TDRD9: variants seen among roughly 807,000 people sequenced by gnomAD.
TDRD9 encodes the protein tudor domain containing 9.
In TDRD9, 124 loss-of-function variants were observed where a neutral mutation model predicts 172.6. The observed-to-expected ratio is 0.72, with a 90% CI of 0.62 to 0.83. The LOEUF (loss-of-function observed/expected upper bound fraction) is 0.83, where lower values mean the gene tolerates loss of function less well. TDRD9 is among the 40% of genes least tolerant of loss of function. The pLI, the probability that TDRD9 is intolerant of heterozygous loss-of-function variation, is 0.00. For synonymous variants in TDRD9, 619 were observed against 617.1 expected (o/e 1.00, Z -0.05); for missense variants, 1,479 against 1,714.1 (o/e 0.86, Z 2.42).
At chr14:104,037,032 T>G (rs183174776) in intron 32 of TDRD9, among the ~76,000 whole-genome samples, 1 of 142,888 alleles carries the variant, frequency 7.0e-6, no homozygotes, top group African/African-American at 2.5e-5. Flanking sequence ...AAGGTTGGAG[T>G]TTTTTTTTTT....
rs759089554 is a variant in TDRD9, at chr14:103,955,645, C to A, written c.216-19C>A. The A allele has an allele frequency of 1.1e-4, 166 of 1,535,478 alleles. No homozygotes were observed. Among genetic ancestry groups the A allele is most frequent in the Admixed American group, 8.0e-5 (4 of 49,990 alleles). Reference sequence around the variant, plus strand: ...TGGCTTTTTGGAAATAGTATACTAACTTTTACTATTCTTTTCAGGTCACTC... The same window carrying A: ...TGGCTTTTTGGAAATAGTATACTAAATTTTACTATTCTTTTCAGGTCACTC... On this transcript the variant is annotated intron_variant, in intron 1 of 35. Transcript: ENST00000409874.
In TDRD9 at chr14:104,016,000, T is replaced by A; in HGVS notation, c.2243T>A (p.Phe748Tyr). The change falls in exon 22 of 36, where the codon TTC (phenylalanine) becomes TAC (tyrosine). Residue 748 changes from phenylalanine (F) to tyrosine (Y), a missense_variant. This residue lies in a region of TDRD9 where 1,413 missense variants were observed against 1,649.1 expected (regional missense o/e 0.86). Transcript: ENST00000409874. ...TTTCAGGTTGTATTGGCAGGTGCTT[T>A]CTATCCAAATTACTTTACTTTTGGA... The part of the protein sequence containing the change: ...FILQVVLAGA[F>Y]YPNYFTFGQP... 1.9e-6 allele frequency: 3 copies of A among 1,593,560 alleles called. No individual in the cohort carries two copies. Among genetic ancestry groups the A allele is most frequent in the Non-Finnish European group, 2.6e-6 (3 of 1,170,660 alleles).
intron 20 of TDRD9, among the ~76,000 whole-genome samples, chr14:104,012,180 T>C (rs796365441): frequency 3.9e-5 from 6 of 152,332 alleles, no homozygotes; most frequent in African/African-American, 1.4e-4. Context: ...GTTACCCTCA[T>C]GGCCCAAGGC....
chr14:103,936,657 T>C (rs571459009), intron 1 of TDRD9, among the ~76,000 whole-genome samples: 1 of 152,396 alleles, frequency 6.6e-6, no homozygotes, highest in South Asian at 2.1e-4. Flanking sequence ...GTCACCACTC[T>C]AGACCAAACC....
Position 104,024,690 on chromosome 14 carries a change from A to G in TDRD9, c.2718+10A>G. 6.6e-7 allele frequency: 1 copy of G among 1,508,044 alleles called. No individual in the cohort carries two copies. The highest frequency in any genetic ancestry group is 9.2e-7 in the Non-Finnish European group (1 of 1,090,326). 93.4% of individuals were successfully genotyped at this position (1,508,044 alleles called of 1,614,324 possible). On this transcript the variant is annotated intron_variant, in intron 25 of 35. Coordinates refer to ENST00000409874, the MANE Select transcript of TDRD9 (RefSeq NM_153046.3). ...TATTGATGTCACAGAGGTAAGGATG[A>G]AGTAATTGAGCTTTTCCTTCTTCTT...
chr14:103,938,692 C>G (rs780823960), intron 1 of TDRD9, among the ~76,000 whole-genome samples: 2 of 151,852 alleles, frequency 1.3e-5, no homozygotes, highest in Non-Finnish European at 2.9e-5. Flanking sequence ...CCGCCTCGGC[C>G]TCCCAAAGTG....
chr14:103,931,782 T>C (rs2030404725), intron 1 of TDRD9, among the ~76,000 whole-genome samples: 1 of 152,154 alleles, frequency 6.6e-6, no homozygotes, highest in African/African-American at 2.4e-5. Context: ...ATTGTCTGAG[T>C]GGGCCCAGTC....
At chr14:103,958,957 G>A (rs1211586490) in intron 2 of TDRD9, among the ~76,000 whole-genome samples, 4 of 152,238 alleles carry the variant, frequency 2.6e-5, no homozygotes, top group African/African-American at 9.6e-5. Context: ...ACTCAGAGCA[G>A]TGGGAAGGTA....
chr14:103,975,292 A>G (rs992744586), intron 6 of TDRD9, 97 bp from the exon 7 acceptor site: 3 of 1,144,654 alleles, frequency 2.6e-6, no homozygotes, highest in Admixed American at 2.6e-5. Flanking sequence ...AAGTTGTTAG[A>G]TAAGGAGTGA....
intron 1 of TDRD9, among the ~76,000 whole-genome samples, chr14:103,950,066 G>T: frequency 6.8e-6 from 1 of 147,318 alleles, no homozygotes; most frequent in African/African-American, 2.5e-5. Context: ...TCTTTTGATG[G>T]GCCCTGCCCT....
At position 104,007,224 on chromosome 14, in the gene TDRD9, C is replaced by T. The variant is rs2034469436; in HGVS notation, c.2052+20C>T. On this transcript the variant is annotated intron_variant, in intron 19 of 35. Coordinates refer to ENST00000409874, the MANE Select transcript of TDRD9 (RefSeq NM_153046.3). The stretch of plus-strand genomic sequence containing the variant: ...CCGAAGGTTGGTGAGCCCTTTCCTG[C>T]TGCTTTCTAGATGGCTGGGAGTAAT... 6.2e-7 allele frequency: 1 copy of T among 1,612,522 alleles called. No individual in the cohort carries two copies. The highest frequency in any genetic ancestry group is 8.5e-7 in the Non-Finnish European group (1 of 1,178,742).
chr14:103,991,689 A>T (rs1222483531), intron 9 of TDRD9, among the ~76,000 whole-genome samples: 1 of 151,952 alleles, frequency 6.6e-6, no homozygotes, highest in East Asian at 1.9e-4. Context: ...GGAATTACAG[A>T]TGTGAGCCAC....
intron 24 of TDRD9, among the ~76,000 whole-genome samples, chr14:104,022,780 T>TG (rs1028048236): frequency 7.0e-6 from 1 of 142,242 alleles, no homozygotes; most frequent in African/African-American, 2.5e-5. Flanking sequence ...ACTGGCTTTG[T>TG]GGTTGAGTGG....
rs537743527 is a variant in TDRD9 at position 104,035,843 on chromosome 14, G to T, written c.3716+787G>T. 1.4e-4 allele frequency among the ~76,000 whole-genome samples: 22 copies of T among 152,200 alleles called. No individual in the cohort carries two copies. In the East Asian group the frequency reaches 4.3e-3, roughly 29 times the overall value. On this transcript the variant is annotated intron_variant, in intron 32 of 35. Coordinates refer to ENST00000409874, the MANE Select transcript of TDRD9 (RefSeq NM_153046.3). ...TTACCCTTTTCTTCTTTTCTAGTCA[G>T]CTGGTGAGCATGGAGGGGTGGTCCA...
At chr14:103,948,538 T>C (rs1219009331) in intron 1 of TDRD9, among the ~76,000 whole-genome samples, 3 of 152,330 alleles carry the variant, frequency 2.0e-5, no homozygotes, top group African/African-American at 7.2e-5. Context: ...GAGATGTTTG[T>C]ACACCTGTGT....
chr14:104,052,302 A>G lies in TDRD9; in HGVS notation c.*220A>G, dbSNP rs921461579. The G allele has an allele frequency of 1.4e-5, 5 of 349,906 alleles. No homozygotes were observed. Among genetic ancestry groups the G allele is most frequent in the Non-Finnish European group, 2.6e-5 (5 of 190,940 alleles). 21.7% of individuals were successfully genotyped at this position (349,906 alleles called of 1,614,324 possible). ...TTGGAAACTCTAGTCTTTTCTAGAA[A>G]CAGAAAATCACTGTATTAAATATTT... On this transcript the variant is annotated 3_prime_UTR_variant, in exon 36 of 36. Transcript: ENST00000409874.
At chr14:103,983,942 G>C (rs781749945) in intron 7 of TDRD9, among the ~76,000 whole-genome samples, 1 of 152,204 alleles carries the variant, frequency 6.6e-6, no homozygotes, top group Non-Finnish European at 1.5e-5. Context: ...TGAGGAACTT[G>C]TTGGGGACTG....
chr14:103,977,119 A>AT (rs1000868202), intron 7 of TDRD9, among the ~76,000 whole-genome samples: 1 of 152,112 alleles, frequency 6.6e-6, no homozygotes, highest in African/African-American at 2.4e-5. Context: ...GATACTGAGC[A>AT]TTTTTTCCTG....
intron 12 of TDRD9, among the ~76,000 whole-genome samples, chr14:103,996,756 G>A (rs763655416): frequency 1.3e-5 from 2 of 152,178 alleles, no homozygotes; most frequent in Non-Finnish European, 2.9e-5. Flanking sequence ...GGGTAGATAA[G>A]TACAGATATG....
Sources: allele counts gnomAD v4.1 joint callset (sites outside exome capture counted in the v4.1 genomes callset), GRCh38; gene constraint gnomAD v4.1.1; regional missense constraint gnomAD v4.1.1; transcripts MANE v1.5; gene names NCBI Gene and HGNC (gene_info 2026-07-23, HGNC 2026-07-21).